The following ROBO2 variants were observed in gnomAD, a reference collection of about 807,000 sequenced individuals.
ROBO2 encodes the protein roundabout homolog 2.
In ROBO2, 53 loss-of-function variants were observed where a neutral mutation model predicts 160.8. That is an observed-to-expected ratio of 0.33 (90% CI 0.26 to 0.41). The LOEUF (loss-of-function observed/expected upper bound fraction) is 0.41, where lower values mean the gene tolerates loss of function less well. ROBO2 is among the 10% of genes least tolerant of loss of function. The pLI is 1.00. For missense variants in ROBO2, 1,577 were observed against 1,722.4 expected (o/e 0.92, Z 1.49); for synonymous variants, 664 against 611.7 (o/e 1.09, Z -1.26).
At chr3:77,230,437 T>C (rs1303074661) in intron 2 of ROBO2, among the ~76,000 whole-genome samples, 3 of 152,202 alleles carry the variant, frequency 2.0e-5, no homozygotes, top group Non-Finnish European at 2.9e-5. Flanking sequence ...ACGAAAGTTA[T>C]TCTTCAAACG....
chr3:76,718,975 A>G (rs2107689489), intron 2 of ROBO2, among the ~76,000 whole-genome samples: 1 of 152,332 alleles, frequency 6.6e-6, no homozygotes, highest in Middle Eastern at 3.4e-3. Flanking sequence ...CATATTTTTC[A>G]AGCTTTGGTT....
At chr3:77,439,123 T>G (rs1483366294) in intron 2 of ROBO2, among the ~76,000 whole-genome samples, 1 of 152,054 alleles carries the variant, frequency 6.6e-6, no homozygotes, top group Non-Finnish European at 1.5e-5. Flanking sequence ...TATCATCAGC[T>G]TTAGCAGCTA....
chr3:77,083,235 C>G (rs2149949559), intron 1 of ROBO2, among the ~76,000 whole-genome samples: 1 of 152,260 alleles, frequency 6.6e-6, no homozygotes, highest in East Asian at 1.9e-4. Flanking sequence ...TAAATTCTGT[C>G]CAAATAAACG....
At chr3:77,105,914 A>C (rs1368200065) in intron 2 of ROBO2, among the ~76,000 whole-genome samples, 1 of 152,244 alleles carries the variant, frequency 6.6e-6, no homozygotes, top group African/African-American at 2.4e-5. Flanking sequence ...ACATATTCAT[A>C]GTGATACTAA....
chr3:76,569,205 A>G (rs1161305538), intron 2 of ROBO2, among the ~76,000 whole-genome samples: 2 of 152,130 alleles, frequency 1.3e-5, no homozygotes, highest in Non-Finnish European at 2.9e-5. Context: ...ATCTCAGTCT[A>G]AAACAGTTGG....
chr3:76,274,655 G>A (rs868370790), intron 2 of ROBO2, among the ~76,000 whole-genome samples: 1 of 151,792 alleles, frequency 6.6e-6, no homozygotes, highest in South Asian at 2.1e-4. Context: ...TGGCCAGAAT[G>A]GTGAAACCCC....
At chr3:76,542,486 A>G (rs1198379669) in intron 2 of ROBO2, among the ~76,000 whole-genome samples, 1 of 152,096 alleles carries the variant, frequency 6.6e-6, no homozygotes, top group Non-Finnish European at 1.5e-5. Context: ...GGAAAGTTGT[A>G]TCTACTCATT....
At chr3:76,786,748 G>A (rs1053672060) in intron 2 of ROBO2, among the ~76,000 whole-genome samples, 2 of 151,342 alleles carry the variant, frequency 1.3e-5, no homozygotes, top group African/African-American at 4.8e-5. Flanking sequence ...GGTTTCATGA[G>A]CTATAGGGTC....
rs1202130747 is a variant in ROBO2 at position 76,657,821 on chromosome 3, GTATATATA to G, written c.110-440191_110-440184del. 8.1e-5 allele frequency among the ~76,000 whole-genome samples: 12 copies of G among 147,404 alleles called. 1 individual carries two copies. The highest frequency in any genetic ancestry group is 1.5e-5 in the Non-Finnish European group (1 of 67,216). Reference sequence around the variant, plus strand: ...ATATATGTGTGTATATATATAGTGTGTATATATATGTATATGTGTATATGTATGTGTAT... The same window carrying G: ...ATATATGTGTGTATATATATAGTGTGTGTATATGTGTATATGTATGTGTAT... On this transcript the variant is annotated intron_variant, in intron 2 of 26. Coordinates refer to the ROBO2 transcript ENST00000487694.
chr3:76,848,461 G>C (rs2148516849), intron 2 of ROBO2, among the ~76,000 whole-genome samples: 1 of 152,306 alleles, frequency 6.6e-6, no homozygotes, highest in East Asian at 1.9e-4. Context: ...ACTTGGCTGA[G>C]AAAGCACAGC....
At chr3:77,116,095 C>T (rs2074169881) in intron 2 of ROBO2, among the ~76,000 whole-genome samples, 3 of 152,200 alleles carry the variant, frequency 2.0e-5, no homozygotes, top group Admixed American at 1.3e-4. Context: ...GAACTTAATA[C>T]CTGAAATGCT....
chr3:76,704,436 A>G (rs937472142), intron 2 of ROBO2, among the ~76,000 whole-genome samples: 4 of 152,098 alleles, frequency 2.6e-5, no homozygotes, highest in African/African-American at 7.2e-5. Context: ...TCGCTGGAGG[A>G]CAAGGCGTCA....
intron 24 of ROBO2, among the ~76,000 whole-genome samples, chr3:77,644,167 CTT>C (rs1419911412): frequency 6.6e-6 from 1 of 151,732 alleles, no homozygotes; most frequent in East Asian, 1.9e-4. Flanking sequence ...GTGAGTTTCT[CTT>C]TTACTTTTAA....
intron 2 of ROBO2, among the ~76,000 whole-genome samples, chr3:76,326,593 AATT>A (rs1454068448): frequency 2.0e-5 from 3 of 151,578 alleles, no homozygotes; most frequent in East Asian, 1.9e-4. Flanking sequence ...TCATATGCAG[AATT>A]ATTATCTTTT....
intron 2 of ROBO2, among the ~76,000 whole-genome samples, chr3:77,266,185 C>G (rs184754603): frequency 1.8e-4 from 28 of 151,404 alleles, no homozygotes; most frequent in Admixed American, 1.8e-3. Flanking sequence ...CTATTTATTT[C>G]TACTTTTTTT....
chr3:76,265,122 C>T (rs775344959), intron 2 of ROBO2, among the ~76,000 whole-genome samples: 6 of 152,140 alleles, frequency 3.9e-5, no homozygotes, highest in African/African-American at 1.4e-4. Context: ...TCATCTCCCA[C>T]GCAGGCTGAA....
chr3:77,068,424 C>A (rs995821136), intron 1 of ROBO2, among the ~76,000 whole-genome samples: 3 of 152,020 alleles, frequency 2.0e-5, no homozygotes, highest in Non-Finnish European at 4.4e-5. Flanking sequence ...ATGAACGAAT[C>A]ACCACCCTAT....
intron 2 of ROBO2, among the ~76,000 whole-genome samples, chr3:76,118,315 C>T (rs1192428716): frequency 6.6e-6 from 1 of 152,146 alleles, no homozygotes; most frequent in Non-Finnish European, 1.5e-5. Context: ...CACTGCTCAG[C>T]AAACTTTATC....
chr3:77,413,487 G>C (rs1273746906), intron 2 of ROBO2, among the ~76,000 whole-genome samples: 2 of 152,088 alleles, frequency 1.3e-5, no homozygotes, highest in Non-Finnish European at 2.9e-5. Context: ...TCCATTGAAA[G>C]GTTTGCGTTT....
Sources: gnomAD v4.1 joint callset for allele counts (sites outside exome capture counted in the v4.1 genomes callset) on GRCh38, gnomAD v4.1.1 for gene constraint, MANE v1.5 for transcripts, NCBI Gene and HGNC (gene_info 2026-07-23, HGNC 2026-07-21) for gene names.